Variants in PROSER1 observed in about 807,000 individuals in gnomAD.
The protein encoded by PROSER1 is proline and serine rich 1.
PROSER1 carries 36 observed loss-of-function variants against 71.8 expected under a neutral mutation model. That is an observed-to-expected ratio of 0.50 (90% CI 0.38 to 0.66). The LOEUF is 0.66. Among genes scored for constraint, PROSER1 ranks in the 30% least tolerant of loss-of-function variants. The probability of loss-of-function intolerance (pLI) is 0.00; values close to 1 mark genes in which losing one functional copy is unlikely to be tolerated. For synonymous variants in PROSER1, 490 were observed against 452.4 expected, an observed-to-expected ratio of 1.08 and a Z score of -1.06; for missense variants, 1,107 against 1,135.0, an observed-to-expected ratio of 0.98 and a Z score of 0.35.
At chr13:39,018,957 A>G (rs1870150242) in intron 9 of PROSER1, among the ~76,000 whole-genome samples, 1 of 152,208 alleles carries the variant, frequency 6.6e-6, no homozygotes, top group South Asian at 2.1e-4. Flanking sequence ...GCTTACAGAA[A>G]GAGACCAAGT....
Position 39,014,871 on chromosome 13 carries a change from T to C in PROSER1, c.776-395A>G, listed in dbSNP as rs545521087. ...CAGTCAGTCCCCCTCATAGGAGCTT[T>C]CAGAACATGGCTTCCCTTGCAGGGC... is the stretch of plus-strand genomic sequence containing the variant. On this transcript the variant is annotated intron_variant, in intron 10 of 12. Transcript: ENST00000352251. 2.6e-5 allele frequency among the ~76,000 whole-genome samples: 4 copies of C among 152,352 alleles called. No individual in the cohort carries two copies. The South Asian group carries it at 8.3e-4, about 32-fold the overall frequency.
At position 39,013,380 on chromosome 13, in the gene PROSER1, A is replaced by C; in HGVS notation, c.1872T>G (p.His624Gln). Residue 624 changes from histidine to glutamine, a missense_variant, in exon 11 of 13, where the codon CAT becomes CAG. His to Gln is a conservative substitution (Grantham distance 24). Coordinates refer to ENST00000352251, the MANE Select transcript of PROSER1 (RefSeq NM_025138.5). ...AAGTGCCATGAGAGGGATTCCCAGA[A>C]TGAGATGGACCTTTGAAGGCCGAGG... The part of the protein sequence containing the change: ...PTPSAFKGPS[H>Q]SGNPSHGTLG... The C allele has an allele frequency of 6.2e-7, 1 of 1,614,216 alleles. No homozygotes were observed. Among genetic ancestry groups the C allele is most frequent in the Non-Finnish European group, 8.5e-7 (1 of 1,180,050 alleles).
rs778749026 is a variant in PROSER1 at position 39,014,361 on chromosome 13, T to C, written c.891A>G (p.Ala297=). Residue 297 remains alanine, a synonymous_variant, in exon 11 of 13, where the codon GCA becomes GCG. Transcript: ENST00000352251. ...TTCCAGAAACGGTGGCAGCTGCTGA[T>C]GCTGATGGATGATTAATTGCCTTGA... ...SPVKAINHPS[A]SAAATVSGMN... The C allele has an allele frequency of 2.5e-6, 4 of 1,614,042 alleles. No homozygotes were observed.
chr13:39,028,553 C>T (rs1347076670), intron 4 of PROSER1, among the ~76,000 whole-genome samples: 1 of 152,030 alleles, frequency 6.6e-6, no homozygotes, highest in Non-Finnish European at 1.5e-5. Flanking sequence ...AAATAAAAAT[C>T]ATTATTTTGA....
chr13:39,032,961 G>C (rs1365976920), intron 2 of PROSER1, among the ~76,000 whole-genome samples: 2 of 148,612 alleles, frequency 1.3e-5, no homozygotes, highest in Non-Finnish European at 3.0e-5. Flanking sequence ...TGCTCTGTTA[G>C]CCAGGCTGGA....
In PROSER1 at chr13:39,013,492, G is replaced by A; in HGVS notation, c.1760C>T (p.Pro587Leu). 3.1e-6 allele frequency: 5 copies of A among 1,614,084 alleles called. No homozygotes were observed. The highest frequency in any genetic ancestry group is 4.2e-6 in the Non-Finnish European group (5 of 1,180,016). Residue 587 changes from proline to leucine, a missense_variant, in exon 11 of 13, where the codon CCA becomes CTA. Pro to Leu is a moderately conservative substitution (Grantham distance 98). Transcript: ENST00000352251. ...SSASLLRGPH[P>L]GTSDLHISST... ...TGAAATATGCAGATCTGAGGTACCT[G>A]GGTGGGGGCCACGCAAAAGGGAGGC...
chr13:39,024,270 T>C (rs1870437272), intron 7 of PROSER1, among the ~76,000 whole-genome samples: 1 of 152,148 alleles, frequency 6.6e-6, no homozygotes, highest in Non-Finnish European at 1.5e-5. Context: ...CTGATTCTAC[T>C]TTAAAATAAA....
intron 2 of PROSER1, among the ~76,000 whole-genome samples, chr13:39,033,044 C>T (rs577785678): frequency 1.3e-5 from 2 of 152,272 alleles, no homozygotes; most frequent in East Asian, 3.9e-4. Context: ...CCTCAGCCTC[C>T]TGAACAGCTG....
At chr13:39,023,330 T>A in intron 7 of PROSER1, 200 bp from the exon 8 acceptor site, 1 of 510,990 alleles carries the variant, frequency 2.0e-6, no homozygotes, top group Non-Finnish European at 3.5e-6. Flanking sequence ...ATGCAGATCT[T>A]GCCAAAGATG....
chr13:39,014,615 T>C (rs978289870), intron 10 of PROSER1, 139 bp from the exon 11 acceptor site: 2 of 672,110 alleles, frequency 3.0e-6, no homozygotes, highest in African/African-American at 3.6e-5. Context: ...TCTTGTAATA[T>C]CTAAATTGCT....
chr13:39,028,068 C>A, intron 5 of PROSER1, among the ~76,000 whole-genome samples, 159 bp downstream of exon 5: 1 of 152,166 alleles, frequency 6.6e-6, no homozygotes, highest in Admixed American at 6.5e-5. Flanking sequence ...TCAACCAGCT[C>A]TATTTCCACG....
In PROSER1 at chr13:39,010,889, TAC is replaced by T. The variant is rs1429100181; in HGVS notation, c.*474_*475del. The T allele has an allele frequency of 5.2e-5, 8 of 154,682 alleles. No individual in the cohort carries two copies. The highest frequency in any genetic ancestry group is 7.2e-5 in the African/African-American group (3 of 41,458). 9.6% of individuals were successfully genotyped at this position (154,682 alleles called of 1,614,324 possible). A position where few individuals can be genotyped will look rare whatever the true frequency, so the allele number is the denominator to read the frequency against. On this transcript the variant is annotated 3_prime_UTR_variant, in exon 13 of 13. Transcript: ENST00000352251. ...TCTCAAGTTCCCTTTTGTGGATACA[TAC>T]AGAGTACTGAGTTCCCACTGATGCT...
At position 39,013,039 on chromosome 13, in the gene PROSER1, A is replaced by G. The variant is rs775329159; in HGVS notation, c.2213T>C (p.Leu738Pro). The change falls in exon 11 of 13, where the codon CTC becomes CCC. Residue 738 changes from leucine to proline, a missense_variant. Physicochemically the swap from Leu to Pro is moderately conservative, Grantham distance 98. Transcript: ENST00000352251. ...TSSTAATSTS[L>P]PHPSSTAAVL... ...AGCTGCCGTTGAGCTAGGATGAGGG[A>G]GAGATGTGGAGGTGGCAGCGGTAGA... 6.2e-7 allele frequency: 1 copy of G among 1,614,026 alleles called. No homozygotes were observed. The highest frequency in any genetic ancestry group is 8.5e-7 in the Non-Finnish European group (1 of 1,179,970).
At chr13:39,032,408 A>G (rs1870890543) in intron 2 of PROSER1, among the ~76,000 whole-genome samples, 1 of 152,172 alleles carries the variant, frequency 6.6e-6, no homozygotes, top group Non-Finnish European at 1.5e-5. Flanking sequence ...AGATCAGGAC[A>G]CTGAAGTCTC....
In PROSER1 at chr13:39,012,308, C is replaced by A. The variant is rs1869703997; in HGVS notation, c.2562-75G>T. On this transcript the variant is annotated intron_variant, in intron 11 of 12. Transcript: ENST00000352251. The stretch of plus-strand genomic sequence containing the variant: ...CTACTGTTTCCATATTTGTCAAATA[C>A]AATCTTAAAATGTTAAAAACAAAAC... The A allele has an allele frequency of 3.4e-6, 5 of 1,460,938 alleles. No homozygotes were observed. The South Asian group carries it at 3.6e-5, about 11-fold the overall frequency. The allele number at this position is 1,460,938 out of a possible 1,614,324, so 90.5% of individuals were successfully genotyped here.
In PROSER1 at chr13:39,014,095, G is replaced by A. The variant is rs529655365; in HGVS notation, c.1157C>T (p.Pro386Leu). ...TAATPTPGPT[P>L]RSTLGSSEAF... ...TTCACTGGAACCAAGAGTGGACCGT[G>A]GTGTAGGTCCTGGGGTAGGAGTGGC... Residue 386 changes from proline to leucine, a missense_variant, in exon 11 of 13, where the codon CCA (proline) becomes CTA (leucine). Coordinates refer to ENST00000352251, the MANE Select transcript of PROSER1 (RefSeq NM_025138.5). 9 of 1,614,226 alleles carry A rather than the reference G, an allele frequency of 5.6e-6. No individual in the cohort carries two copies. In the Admixed American group the frequency reaches 1.5e-4, roughly 27 times the overall value.
At chr13:39,019,645 T>TCC (rs1870196930) in intron 9 of PROSER1, among the ~76,000 whole-genome samples, 1 of 150,324 alleles carries the variant, frequency 6.7e-6, no homozygotes, top group Non-Finnish European at 1.5e-5. Flanking sequence ...TTAGAGAAAA[T>TCC]TTCTAAGTTT....
intron 7 of PROSER1, 89 bp downstream of exon 7, chr13:39,024,384 C>T (rs1870442643): frequency 1.1e-6 from 1 of 932,688 alleles, no homozygotes; most frequent in Non-Finnish European, 1.7e-6. Flanking sequence ...TCAAACTTTG[C>T]AACACAAAAA....
rs1010046544 is a variant in PROSER1 at position 39,010,153 on chromosome 13, G to A, written c.*1212C>T. ...GCACTTAGTAAAACACAGAATATTT[G>A]TCATATCCATAGTTTATTTTAAAAA... On this transcript the variant is annotated 3_prime_UTR_variant, in exon 13 of 13. Coordinates refer to ENST00000352251, the MANE Select transcript of PROSER1 (RefSeq NM_025138.5). The A allele has an allele frequency of 3.4e-5, 5 of 146,166 alleles. No individual in the cohort carries two copies. Among genetic ancestry groups the A allele is most frequent in the African/African-American group, 1.3e-4 (5 of 37,522 alleles). 9.1% of individuals were successfully genotyped at this position (146,166 alleles called of 1,614,324 possible). A position where few individuals can be genotyped will look rare whatever the true frequency, so the allele number is the denominator to read the frequency against.
Sources: gnomAD v4.1 joint callset for allele counts (sites outside exome capture counted in the v4.1 genomes callset) on GRCh38, gnomAD v4.1.1 for gene constraint, MANE v1.5 for transcripts, NCBI Gene and HGNC (gene_info 2026-07-23, HGNC 2026-07-21) for gene names.